Variants in CDK5RAP1 observed in about 807,000 individuals in gnomAD.
The protein encoded by CDK5RAP1 is mitochondrial tRNA methylthiotransferase CDK5RAP1.
In CDK5RAP1, 62 loss-of-function variants were observed where a neutral mutation model predicts 64.5. The observed-to-expected ratio is 0.96, with a 90% CI of 0.78 to 1.19. The LOEUF is 1.19. CDK5RAP1 is among the 50% of genes most tolerant of loss of function. The probability of loss-of-function intolerance (pLI) is 0.00; values close to 1 mark genes in which losing one functional copy is unlikely to be tolerated. For synonymous variants in CDK5RAP1, 250 were observed against 261.9 expected, an observed-to-expected ratio of 0.95 and a Z score of 0.44; for missense variants, 657 against 735.0, an observed-to-expected ratio of 0.89 and a Z score of 1.23.
intron 1 of CDK5RAP1, among the ~76,000 whole-genome samples, 179 bp downstream of exon 1, chr20:33,401,249 G>C (rs1989382372): frequency 6.6e-6 from 1 of 152,214 alleles, no homozygotes; most frequent in Non-Finnish European, 1.5e-5. Context: ...AGGTCACACG[G>C]GGTTAGGCGG....
At chr20:33,377,164 C>T (rs1986112167) in intron 8 of CDK5RAP1, among the ~76,000 whole-genome samples, 1 of 152,136 alleles carries the variant, frequency 6.6e-6, no homozygotes, top group Admixed American at 6.5e-5. Context: ...GGCAAGACCC[C>T]ACCTCTAATT....
At chr20:33,399,194 G>T (rs1480731642) in intron 1 of CDK5RAP1, among the ~76,000 whole-genome samples, 1 of 151,574 alleles carries the variant, frequency 6.6e-6, no homozygotes, top group Admixed American at 6.6e-5. Context: ...GACTAAGGAA[G>T]AATTCTAGGA....
rs2146596629 is a variant in CDK5RAP1 at position 33,366,979 on chromosome 20, A to G, written c.1422T>C (p.Asp474=). 6.2e-7 allele frequency: 1 copy of G among 1,613,420 alleles called. No homozygotes were observed. The highest frequency in any genetic ancestry group is 2.2e-5 in the East Asian group (1 of 44,854). ...QKTRAYHRLK[D]DVPEEVKLRR... Reference sequence around the variant, plus strand: ...TTAATTTTACCTCTTCCGGGACATCATCCTTCAGCCTATGATATGCCCGTG... The same window carrying G: ...TTAATTTTACCTCTTCCGGGACATCGTCCTTCAGCCTATGATATGCCCGTG... The change falls in exon 12 of 14, where the codon GAT becomes GAC. Residue 474 remains aspartate (D), a synonymous_variant. Transcript: ENST00000346416.
At chr20:33,374,752 T>A (rs901045042) in intron 8 of CDK5RAP1, among the ~76,000 whole-genome samples, 5 of 151,532 alleles carry the variant, frequency 3.3e-5, no homozygotes, top group African/African-American at 1.2e-4. Context: ...TTAGTAGAGA[T>A]GATGTTGCCC....
intron 8 of CDK5RAP1, among the ~76,000 whole-genome samples, chr20:33,375,574 C>T (rs994150102): frequency 1.7e-4 from 26 of 152,008 alleles, no homozygotes; most frequent in African/African-American, 6.0e-4. Context: ...AGATGAAAGT[C>T]GGGGCCAAAA....
chr20:33,379,135 G>A (rs974723555), intron 8 of CDK5RAP1, among the ~76,000 whole-genome samples: 12 of 151,988 alleles, frequency 7.9e-5, no homozygotes, highest in Non-Finnish European at 1.8e-4. Context: ...AACTACAGTC[G>A]TATCCCACCC....
intron 1 of CDK5RAP1, among the ~76,000 whole-genome samples, chr20:33,400,893 C>G (rs1040383910): frequency 1.3e-5 from 2 of 152,210 alleles, no homozygotes; most frequent in Admixed American, 1.3e-4. Flanking sequence ...AGGCACCTGT[C>G]TTAAACTCTG....
chr20:33,376,286 C>T lies in CDK5RAP1; in HGVS notation c.1108-2074G>A, dbSNP rs180832757. Among the ~76,000 whole-genome samples the T allele has an allele frequency of 1.3e-3, 202 of 151,724 alleles. 1 individual carries two copies. The highest frequency in any genetic ancestry group is 2.5e-3 in the Non-Finnish European group (171 of 67,914). ...TTGCAGTGAGCTGAGATCGCACCAC[C>T]GCACTCCAGCCTGGGTGACAGAGCA... On this transcript the variant is annotated intron_variant, in intron 8 of 13. Transcript: ENST00000346416.
intron 11 of CDK5RAP1, 116 bp from the exon 12 acceptor site, chr20:33,367,124 C>A: frequency 2.0e-6 from 2 of 982,032 alleles, no homozygotes; most frequent in Admixed American, 3.0e-5. Context: ...GACACATGTA[C>A]AGAAACCCAA....
intron 5 of CDK5RAP1, among the ~76,000 whole-genome samples, chr20:33,389,605 G>C (rs1988044674): frequency 6.7e-6 from 1 of 148,920 alleles, no homozygotes; most frequent in East Asian, 2.1e-4. Context: ...CCCCCGCCCG[G>C]CCAGCCGCCC....
At position 33,367,091 on chromosome 20, in the gene CDK5RAP1, G is replaced by C; in HGVS notation, c.1393-83C>G. 3.0e-6 allele frequency: 4 copies of C among 1,326,492 alleles called. No individual in the cohort carries two copies. The South Asian group carries it at 5.7e-5, about 19-fold the overall frequency. The allele number at this position is 1,326,492 out of a possible 1,614,324, so 82.2% of individuals were successfully genotyped here. A position where few individuals can be genotyped will look rare whatever the true frequency, so the allele number is the denominator to read the frequency against. On this transcript the variant is annotated intron_variant, in intron 11 of 13. Transcript: ENST00000346416. ...TTCTTAATGCACAGAGGGCGACCAT[G>C]TTCATTCTACCTACAAGTAACAGAC...
At chr20:33,371,947 A>C (rs1212953641) in intron 10 of CDK5RAP1, among the ~76,000 whole-genome samples, 1 of 152,186 alleles carries the variant, frequency 6.6e-6, no homozygotes, top group African/African-American at 2.4e-5. Flanking sequence ...TTACAGTAAT[A>C]AGTTGCCATA....
chr20:33,385,927 A>G (rs1987374595), intron 6 of CDK5RAP1, among the ~76,000 whole-genome samples, 157 bp from the exon 7 acceptor site: 1 of 152,216 alleles, frequency 6.6e-6, no homozygotes, highest in Non-Finnish European at 1.5e-5. Flanking sequence ...ACTAAAGTAG[A>G]CCTTTTTTAT....
At chr20:33,386,260 C>A (rs1987419275) in intron 6 of CDK5RAP1, among the ~76,000 whole-genome samples, 1 of 152,182 alleles carries the variant, frequency 6.6e-6, no homozygotes, top group East Asian at 1.9e-4. Context: ...GATGGGATTT[C>A]TCCATGTTGG....
At chr20:33,383,904 A>T (rs1449514414) in intron 7 of CDK5RAP1, among the ~76,000 whole-genome samples, 1 of 152,160 alleles carries the variant, frequency 6.6e-6, no homozygotes, top group African/African-American at 2.4e-5. Flanking sequence ...ATAAAAAATA[A>T]AAGTAAATGA....
intron 5 of CDK5RAP1, 135 bp from the exon 6 acceptor site, chr20:33,387,668 C>G (rs147094932): frequency 1.5e-5 from 10 of 666,834 alleles, no homozygotes. Context: ...GAGTATCATC[C>G]TTCAAATTTA....
chr20:33,393,857 C>T (rs1988604583), intron 4 of CDK5RAP1, among the ~76,000 whole-genome samples, 175 bp downstream of exon 4: 1 of 152,190 alleles, frequency 6.6e-6, no homozygotes, highest in South Asian at 2.1e-4. Context: ...CACCACGGTA[C>T]ATGCCCAGCC....
chr20:33,401,567 A>G (rs1989424895), upstream of CDK5RAP1: 2 of 985,416 alleles, frequency 2.0e-6, no homozygotes, highest in African/African-American at 1.7e-5. Flanking sequence ...ATGCTAACGG[A>G]AGTGCTTCCT....
chr20:33,374,287 T>C, intron 8 of CDK5RAP1, 75 bp from the exon 9 acceptor site: 1 of 910,122 alleles, frequency 1.1e-6, no homozygotes, highest in South Asian at 1.4e-5. Context: ...CCGCTCTTAC[T>C]ATGTATCCTC....
Sources: allele counts gnomAD v4.1 joint callset (sites outside exome capture counted in the v4.1 genomes callset), GRCh38; gene constraint gnomAD v4.1.1; transcripts MANE v1.5; gene names NCBI Gene and HGNC (gene_info 2026-07-23, HGNC 2026-07-21).